DLGAP2: variants seen among roughly 807,000 people sequenced by gnomAD.
DLGAP2 encodes the protein disks large-associated protein 2.
DLGAP2 carries 26 observed loss-of-function variants against 100.3 expected under a neutral mutation model. The ratio of observed to expected loss-of-function variants is 0.26; its 90% CI spans 0.19 to 0.36. DLGAP2 has a LOEUF of 0.36. DLGAP2 is among the 10% of genes least tolerant of loss of function. The pLI is 1.00. For synonymous variants in DLGAP2, 886 were observed against 630.1 expected (o/e 1.41, Z -6.08); for missense variants, 1,858 against 1,453.2 (o/e 1.28, Z -4.53).
chr8:1,316,504 C>G (rs1800753837), intron 3 of DLGAP2, among the ~76,000 whole-genome samples: 1 of 127,116 alleles, frequency 7.9e-6, no homozygotes, highest in African/African-American at 2.8e-5. Flanking sequence ...GTCTCTCCAA[C>G]AGTGGTCTAC....
chr8:885,850 C>T (rs892210793), intron 1 of DLGAP2, among the ~76,000 whole-genome samples: 2 of 152,036 alleles, frequency 1.3e-5, no homozygotes, highest in African/African-American at 4.8e-5. Flanking sequence ...GGAATATTGG[C>T]CTGAAGTTTT....
rs73528435 is a variant in DLGAP2, at chr8:1,138,115, G to T, written c.74-120736G>T. ...GCAGCTCTTAATCCCTTGATGCCAT[G>T]AATCCAGCAGAGCGAGCCTGAGAAT... On this transcript the variant is annotated intron_variant, in intron 2 of 14. Coordinates refer to ENST00000637795, the MANE Select transcript of DLGAP2 (RefSeq NM_001346810.2). Among the ~76,000 whole-genome samples the T allele has an allele frequency of 3.2e-3, 487 of 152,322 alleles. 3 individuals are homozygous for T. The highest frequency in any genetic ancestry group is 0.011 in the African/African-American group (464 of 41,582).
chr8:1,316,409 G>A (rs71516180), intron 3 of DLGAP2, among the ~76,000 whole-genome samples: 4 of 110,408 alleles, frequency 3.6e-5, no homozygotes, highest in African/African-American at 1.1e-4. Flanking sequence ...AAAATAGAGC[G>A]TGTGCGAGTG....
At chr8:1,416,808 G>A (rs1327348312) in intron 3 of DLGAP2, among the ~76,000 whole-genome samples, 2 of 152,132 alleles carry the variant, frequency 1.3e-5, no homozygotes, top group African/African-American at 2.4e-5. Flanking sequence ...CACCCGTGCC[G>A]GCCTCCTTTT....
intron 1 of DLGAP2, among the ~76,000 whole-genome samples, chr8:862,355 T>G (rs941394007): frequency 1.3e-5 from 2 of 149,608 alleles, no homozygotes; most frequent in Non-Finnish European, 3.0e-5. Flanking sequence ...CAGGCTGGAG[T>G]GCAGTGGCAT....
intron 2 of DLGAP2, among the ~76,000 whole-genome samples, chr8:1,234,154 C>G (rs1029565342): frequency 2.0e-5 from 3 of 152,214 alleles, no homozygotes; most frequent in Non-Finnish European, 2.9e-5. Flanking sequence ...CTCCTGTCCT[C>G]CCTCGAAAGC....
Position 1,678,519 on chromosome 8 carries a change from G to T in DLGAP2, c.2594G>T (p.Arg865Leu). The change falls in exon 12 of 15, where the codon CGC (arginine) becomes CTC (leucine). Residue 865 changes from arginine to leucine, a missense_variant. Arg to Leu is a moderately radical substitution (Grantham distance 102). Transcript: ENST00000637795. ...TVETGRMSPC[R>L]RDGSWFLKLL... ...GAGACTGGGAGGATGTCTCCGTGCC[G>T]CAGGGATGGCTCGTGGTTTTTGAAG... 1 of 1,606,720 alleles carries T rather than the reference G, an allele frequency of 6.2e-7. No individual in the cohort carries two copies. Among genetic ancestry groups the T allele is most frequent in the South Asian group, 1.1e-5 (1 of 89,852 alleles).
At chr8:1,531,849 A>G (rs1401013905) in intron 4 of DLGAP2, among the ~76,000 whole-genome samples, 2 of 152,192 alleles carry the variant, frequency 1.3e-5, no homozygotes, top group Non-Finnish European at 2.9e-5. Context: ...GACAGGTCTC[A>G]GTTTATTTAG....
At chr8:1,281,841 G>A (rs116986368) in intron 3 of DLGAP2, among the ~76,000 whole-genome samples, 36 of 152,336 alleles carry the variant, frequency 2.4e-4, no homozygotes, top group Admixed American at 7.8e-4. Flanking sequence ...GATTTGCGAC[G>A]TGGCTCCACC....
intron 5 of DLGAP2, among the ~76,000 whole-genome samples, chr8:1,551,601 C>G (rs531249455): frequency 6.6e-6 from 1 of 152,296 alleles, no homozygotes; most frequent in African/African-American, 2.4e-5. Context: ...GAATACCAGT[C>G]GTCCACAAAG....
At chr8:817,103 T>C (rs1293781346) in intron 1 of DLGAP2, among the ~76,000 whole-genome samples, 1 of 146,746 alleles carries the variant, frequency 6.8e-6, no homozygotes, top group African/African-American at 2.6e-5. Flanking sequence ...ATCGCGCCGC[T>C]GCACTCCAGC....
At chr8:854,535 G>T (rs1432862707) in intron 1 of DLGAP2, among the ~76,000 whole-genome samples, 2 of 152,056 alleles carry the variant, frequency 1.3e-5, no homozygotes, top group Admixed American at 1.3e-4. Context: ...GAGAGGGCCG[G>T]ACTGACATGT....
At chr8:1,448,455 T>A (rs1798042609) in intron 3 of DLGAP2, among the ~76,000 whole-genome samples, 1 of 152,184 alleles carries the variant, frequency 6.6e-6, no homozygotes, top group African/African-American at 2.4e-5. Flanking sequence ...TGAGAGACAG[T>A]TTGTTATAAT....
chr8:1,240,527 C>T lies in DLGAP2; in HGVS notation c.74-18324C>T, dbSNP rs1446619790. On this transcript the variant is annotated intron_variant, in intron 2 of 14. Transcript: ENST00000637795. ...CGTGTCTAGTTCTCTCACATGGCAC[C>T]GTGTCTAGTTCTCTCACATGGCGCT... Among the ~76,000 whole-genome samples the T allele has an allele frequency of 9.0e-4, 131 of 146,038 alleles. 1 individual carries two copies. The highest frequency in any genetic ancestry group is 4.5e-3 in the Middle Eastern group (1 of 220).
At chr8:925,924 T>G (rs1291597764) in intron 2 of DLGAP2, among the ~76,000 whole-genome samples, 1 of 152,152 alleles carries the variant, frequency 6.6e-6, no homozygotes, top group African/African-American at 2.4e-5. Flanking sequence ...CCCGCCCTAC[T>G]GAATGGGGTT....
chr8:772,291 G>A (rs1328240363), intron 1 of DLGAP2, among the ~76,000 whole-genome samples: 1 of 152,000 alleles, frequency 6.6e-6, no homozygotes, highest in Admixed American at 6.6e-5. Context: ...AAACCATCGT[G>A]TTTAAAATGT....
At chr8:1,067,609 G>GTGTGTA (rs1266906260) in intron 2 of DLGAP2, among the ~76,000 whole-genome samples, 5 of 84,236 alleles carry the variant, frequency 5.9e-5, no homozygotes, top group Non-Finnish European at 1.3e-4. Flanking sequence ...AGTGACGTGT[G>GTGTGTA]TGTGTGTGTG....
chr8:1,221,994 T>C (rs1353734088), intron 2 of DLGAP2, among the ~76,000 whole-genome samples: 1 of 152,208 alleles, frequency 6.6e-6, no homozygotes, highest in Non-Finnish European at 1.5e-5. Context: ...TGTTGGACCA[T>C]TTTACTGTTT....
chr8:879,907 C>T lies in DLGAP2; in HGVS notation c.19-28005C>T, dbSNP rs535760456. ...GTCAAGCACTTCTCCATTCTCCTTC[C>T]GTGTCTCTCCTCCCTAATGGAATTT... On this transcript the variant is annotated intron_variant, in intron 1 of 14. Transcript: ENST00000637795. 5.0e-4 allele frequency among the ~76,000 whole-genome samples: 76 copies of T among 152,284 alleles called. 1 individual carries two copies. In the Middle Eastern group the frequency reaches 0.014, roughly 27 times the overall value.
Sources: allele counts gnomAD v4.1 joint callset (sites outside exome capture counted in the v4.1 genomes callset), GRCh38; gene constraint gnomAD v4.1.1; transcripts MANE v1.5; gene names NCBI Gene and HGNC (gene_info 2026-07-23, HGNC 2026-07-21).